The following KIF1B variants were observed in gnomAD, a reference collection of about 807,000 sequenced individuals.
KIF1B encodes kinesin family member 1B.
A neutral mutation model predicts 241.9 loss-of-function variants in KIF1B; 76 were observed. The ratio of observed to expected loss-of-function variants is 0.31; its 90% CI spans 0.26 to 0.38. The LOEUF is 0.38. KIF1B is among the 10% of genes least tolerant of loss of function. KIF1B has a pLI of 1.00. For synonymous variants in KIF1B, 750 were observed against 796.7 expected (o/e 0.94, Z 0.99); for missense variants, 1,622 against 2,271.4 (o/e 0.71, Z 5.81).
chr1:10,317,174 C>G (rs1651338053), intron 22 of KIF1B, among the ~76,000 whole-genome samples: 1 of 151,568 alleles, frequency 6.6e-6, no homozygotes, highest in African/African-American at 2.4e-5. Flanking sequence ...GGTGCATGCC[C>G]CATGCCTGGT....
chr1:10,229,047 C>T (rs143692410), intron 1 of KIF1B, among the ~76,000 whole-genome samples: 64 of 152,148 alleles, frequency 4.2e-4, no homozygotes, highest in African/African-American at 1.3e-3. Flanking sequence ...AGAGGGAACT[C>T]GGGGAGGTTG....
intron 15 of KIF1B, among the ~76,000 whole-genome samples, chr1:10,283,225 A>G (rs1411747614): frequency 7.2e-6 from 1 of 138,256 alleles, no homozygotes; most frequent in Non-Finnish European, 1.6e-5. Flanking sequence ...AAAAAAAAAA[A>G]AAAAAAGATA....
chr1:10,225,117 C>G (rs1247869999), intron 1 of KIF1B, among the ~76,000 whole-genome samples: 2 of 152,132 alleles, frequency 1.3e-5, no homozygotes, highest in African/African-American at 4.8e-5. Flanking sequence ...TGCTGTGTGG[C>G]CTGGTTTTTA....
At chr1:10,290,556 G>A (rs1267124989) in intron 15 of KIF1B, among the ~76,000 whole-genome samples, 3 of 151,404 alleles carry the variant, frequency 2.0e-5, no homozygotes, top group Non-Finnish European at 4.4e-5. Flanking sequence ...ATCTCGGCTC[G>A]CTGCAAGCTC....
At chr1:10,281,715 A>G (rs1281515144) in intron 14 of KIF1B, among the ~76,000 whole-genome samples, 4 of 152,184 alleles carry the variant, frequency 2.6e-5, no homozygotes, top group Non-Finnish European at 5.9e-5. Flanking sequence ...TCATTTCTAT[A>G]ATTACCCCTT....
At chr1:10,268,056 C>T (rs763775760) in intron 6 of KIF1B, 96 bp from the exon 7 acceptor site, 2 of 805,368 alleles carry the variant, frequency 2.5e-6, no homozygotes, top group African/African-American at 1.7e-5. Flanking sequence ...AAGACTATTG[C>T]TTGTGATTGT....
At chr1:10,368,253 T>C (rs562858621) in intron 43 of KIF1B, among the ~76,000 whole-genome samples, 3 of 152,290 alleles carry the variant, frequency 2.0e-5, no homozygotes, top group Admixed American at 6.5e-5. Context: ...GGTTTTTGTT[T>C]GTTTGTTTTT....
At chr1:10,239,316 T>C (rs1264429813) in intron 2 of KIF1B, among the ~76,000 whole-genome samples, 1 of 152,222 alleles carries the variant, frequency 6.6e-6, no homozygotes, top group Non-Finnish European at 1.5e-5. Context: ...CCTTGCATTT[T>C]ACACATATTA....
chr1:10,296,048 A>G (rs1650247768), intron 19 of KIF1B, among the ~76,000 whole-genome samples: 1 of 152,180 alleles, frequency 6.6e-6, no homozygotes. Context: ...AAAGTAAGAA[A>G]ATAGCAGATA....
intron 22 of KIF1B, chr1:10,305,447 T>A (rs1408651172): frequency 9.4e-7 from 1 of 1,058,336 alleles, no homozygotes; most frequent in East Asian, 5.2e-5. Context: ...ACCAAAATCA[T>A]GCCAACAGAA....
chr1:10,227,030 CTCTTTTTTTT>C (rs1242512132), intron 1 of KIF1B, among the ~76,000 whole-genome samples: 1 of 125,010 alleles, frequency 8.0e-6, no homozygotes, highest in Non-Finnish European at 1.6e-5. Context: ...ACGCAAGTCT[CTCTTTTTTTT>C]TTTTTTTTTT....
chr1:10,354,424 A>G (rs1652905159), intron 38 of KIF1B, among the ~76,000 whole-genome samples: 1 of 152,168 alleles, frequency 6.6e-6, no homozygotes, highest in Non-Finnish European at 1.5e-5. Context: ...AAGAAAATCT[A>G]AGTTCAAAAT....
intron 38 of KIF1B, among the ~76,000 whole-genome samples, chr1:10,355,891 A>AT (rs1638228210): frequency 6.6e-6 from 1 of 152,120 alleles, no homozygotes. Flanking sequence ...TTTTATATAT[A>AT]TTTTTTAACA....
chr1:10,236,273 A>AAAC (rs367849877), intron 2 of KIF1B, among the ~76,000 whole-genome samples: 3,066 of 94,098 alleles, frequency 0.033, 37 homozygotes, highest in Non-Finnish European at 0.053. Flanking sequence ...CTCCATCCCA[A>AAAC]AACAACAACA....
chr1:10,367,414 G>A (rs551497445), intron 43 of KIF1B, among the ~76,000 whole-genome samples: 162 of 151,918 alleles, frequency 1.1e-3, no homozygotes, highest in African/African-American at 3.6e-3. Context: ...TTTAAAGAAG[G>A]CAGAGGTGGC....
intron 1 of KIF1B, among the ~76,000 whole-genome samples, chr1:10,215,606 C>T (rs1014720575): frequency 2.6e-5 from 4 of 152,034 alleles, no homozygotes; most frequent in African/African-American, 7.2e-5. Context: ...AGTGCAGTGG[C>T]GCAGTCATGG....
intron 36 of KIF1B, 131 bp downstream of exon 36, chr1:10,347,958 ATT>A (rs778525309): frequency 1.2e-3 from 718 of 576,106 alleles, no homozygotes; most frequent in Middle Eastern, 1.5e-3. Flanking sequence ...TCCTGTTGTC[ATT>A]TTTTTTTTTT....
chr1:10,223,145 G>A (rs993223274), intron 1 of KIF1B, among the ~76,000 whole-genome samples: 2 of 152,024 alleles, frequency 1.3e-5, no homozygotes, highest in Admixed American at 6.6e-5. Context: ...CCAGCTACTC[G>A]GGAGGCTGAG....
At chr1:10,342,322 A>G (rs1652427415) in intron 33 of KIF1B, among the ~76,000 whole-genome samples, 154 bp downstream of exon 33, 1 of 152,236 alleles carries the variant, frequency 6.6e-6, no homozygotes, top group South Asian at 2.1e-4. Context: ...CTATCATCTT[A>G]TAGCCACCTA....
Sources: gnomAD v4.1 joint callset for allele counts (sites outside exome capture counted in the v4.1 genomes callset) on GRCh38, gnomAD v4.1.1 for gene constraint, MANE v1.5 for transcripts, NCBI Gene and HGNC (gene_info 2026-07-23, HGNC 2026-07-21) for gene names.